Variants in TVP23C observed in about 807,000 individuals in gnomAD.
The protein encoded by TVP23C is Golgi apparatus membrane protein TVP23 homolog C.
A neutral mutation model predicts 28.7 loss-of-function variants in TVP23C; 19 were observed. The observed-to-expected ratio is 0.66, with a 90% CI of 0.46 to 0.97. The LOEUF is 0.97. TVP23C is among the 50% of genes least tolerant of loss of function. TVP23C has a pLI of 0.00. For synonymous variants in TVP23C, 68 were observed against 81.7 expected, an observed-to-expected ratio of 0.83 and a Z score of 0.90; for missense variants, 186 against 241.3, an observed-to-expected ratio of 0.77 and a Z score of 1.52.
intron 5 of TVP23C, among the ~76,000 whole-genome samples, chr17:15,529,177 C>A (rs953855856): frequency 4.6e-5 from 7 of 152,084 alleles, no homozygotes; most frequent in Non-Finnish European, 1.0e-4. Flanking sequence ...TTATGCCAGG[C>A]TCAGAGGCTC....
intron 5 of TVP23C, among the ~76,000 whole-genome samples, chr17:15,509,133 G>A (rs1294528197): frequency 6.6e-6 from 1 of 152,204 alleles, no homozygotes; most frequent in African/African-American, 2.4e-5. Flanking sequence ...GGCCCACAGC[G>A]CCTGTCTGTC....
chr17:15,557,227 A>G, intron 1 of TVP23C, among the ~76,000 whole-genome samples: 1 of 147,818 alleles, frequency 6.8e-6, no homozygotes, highest in East Asian at 2.0e-4. Flanking sequence ...GAGTATTCTT[A>G]TTGCACATCT....
downstream of TVP23C, among the ~76,000 whole-genome samples, chr17:15,536,386 A>C (rs1390212287): frequency 6.6e-6 from 1 of 152,288 alleles, no homozygotes; most frequent in African/African-American, 2.4e-5. Context: ...TCCTCCTTTT[A>C]AGGATACTTC....
exon 6 of TVP23C, chr17:15,503,078 G>A (rs765801300): frequency 1.9e-6 from 3 of 1,614,130 alleles, no homozygotes; most frequent in Non-Finnish European, 2.5e-6. Context: ...CGTGATCCTC[G>A]TGAAAGAATT....
Position 15,505,830 on chromosome 17 carries a change from G to A in TVP23C, c.463-2598C>T, listed in dbSNP as rs569900911. Among the ~76,000 whole-genome samples the A allele has an allele frequency of 1.9e-3, 292 of 152,284 alleles. 2 individuals are homozygous for A. The highest frequency in any genetic ancestry group is 6.4e-3 in the African/African-American group (268 of 41,574). Reference sequence around the variant, plus strand: ...CTGCTGCCCCGGGCAATGAGCACCCGGGCCAGCGGCTGCGTACGGTGTACT... The same window carrying A: ...CTGCTGCCCCGGGCAATGAGCACCCAGGCCAGCGGCTGCGTACGGTGTACT... On this transcript the variant is annotated intron_variant, in intron 5 of 5. Transcript: ENST00000225576.
chr17:15,518,059 T>C (rs1230275279), intron 5 of TVP23C, among the ~76,000 whole-genome samples: 2 of 151,264 alleles, frequency 1.3e-5, no homozygotes, highest in African/African-American at 4.9e-5. Flanking sequence ...TCCCAGCTAC[T>C]TGGGAGGCTG....
downstream of TVP23C, among the ~76,000 whole-genome samples, chr17:15,532,360 G>A (rs981663682): frequency 6.6e-6 from 1 of 152,178 alleles, no homozygotes; most frequent in Non-Finnish European, 1.5e-5. Context: ...TGCCAGACAG[G>A]TCAAGGAGTG....
intron 5 of TVP23C, chr17:15,503,237 A>G (rs1668930519): frequency 6.7e-7 from 1 of 1,483,650 alleles, no homozygotes; most frequent in Non-Finnish European, 8.9e-7. Context: ...CCGTCTCTAC[A>G]AAAAATAAAA....
chr17:15,555,353 A>C lies in TVP23C; in HGVS notation c.24T>G (p.Asp8Glu). 6.2e-7 allele frequency: 1 copy of C among 1,614,012 alleles called. No homozygotes were observed. The highest frequency in any genetic ancestry group is 8.5e-7 in the Non-Finnish European group (1 of 1,179,874). The change falls in exon 2 of 6, where the codon GAT (aspartate) becomes GAG (glutamate). Residue 8 changes from aspartate to glutamate, a missense_variant. Physicochemically the swap from Asp to Glu is conservative, Grantham distance 45. Coordinates refer to ENST00000518321, the MANE Select transcript of TVP23C (RefSeq NM_001135036.2). MLQQDSN[D>E]DTEDVSLFDA... ...CAAACAGTGAAACATCTTCAGTGTC[A>C]TCATTACTATCCTGGTTGGAAAAAT...
At chr17:15,513,661 C>T (rs1454389585) in intron 5 of TVP23C, among the ~76,000 whole-genome samples, 1 of 152,204 alleles carries the variant, frequency 6.6e-6, no homozygotes, top group Non-Finnish European at 1.5e-5. Flanking sequence ...GGGTTCTTTT[C>T]AACCAGGAGG....
At chr17:15,531,605 T>C (rs1435065150) in intron 5 of TVP23C, among the ~76,000 whole-genome samples, 1 of 152,230 alleles carries the variant, frequency 6.6e-6, no homozygotes, top group African/African-American at 2.4e-5. Flanking sequence ...CTCCAGAATT[T>C]TTCATGTTTT....
Position 15,538,826 on chromosome 17 carries a change from A to G in TVP23C, c.*1586T>C, listed in dbSNP as rs1983275853. On this transcript the variant is annotated 3_prime_UTR_variant, in exon 6 of 6. Coordinates refer to ENST00000518321, the MANE Select transcript of TVP23C (RefSeq NM_001135036.2). ...CGAAAAAAACCTAATAAGCACATAC[A>G]TGAAAGTTACCCTAAGGTGGACCAC... 1.0e-6 allele frequency: 1 copy of G among 985,328 alleles called. No individual in the cohort carries two copies. Among genetic ancestry groups the G allele is most frequent in the African/African-American group, 1.7e-5 (1 of 57,248 alleles). 61.0% of individuals were successfully genotyped at this position (985,328 alleles called of 1,614,324 possible).
intron 4 of TVP23C, among the ~76,000 whole-genome samples, chr17:15,546,359 T>C (rs1015778467): frequency 1.3e-5 from 2 of 152,066 alleles, no homozygotes; most frequent in African/African-American, 2.4e-5. Flanking sequence ...TCAAAATGTC[T>C]TAGCAATACC....
rs199693472 is a variant in TVP23C at position 15,519,762 on chromosome 17, C to T, written c.463-16530G>A. 2.6e-4 allele frequency among the ~76,000 whole-genome samples: 40 copies of T among 152,132 alleles called. 1 individual carries two copies. In the East Asian group the frequency reaches 7.5e-3, roughly 29 times the overall value. On this transcript the variant is annotated intron_variant, in intron 5 of 5. Coordinates refer to the TVP23C transcript ENST00000225576. ...TGTATCTACTAAAAAATTAGCTGGGCGTGGTGGCAGGCACCTGTAGTCCCA... is the reference window on the plus strand; with the variant it reads ...TGTATCTACTAAAAAATTAGCTGGGTGTGGTGGCAGGCACCTGTAGTCCCA...
chr17:15,506,241 T>G lies in TVP23C; in HGVS notation c.463-3009A>C, dbSNP rs557560120. On this transcript the variant is annotated intron_variant, in intron 5 of 5. Coordinates refer to the TVP23C transcript ENST00000225576. ...CACCCTGTGTTTAGCTCAAGGTTTGTGAGTGCACCAATCGACACTCTGTAT... is the reference window on the plus strand; with the variant it reads ...CACCCTGTGTTTAGCTCAAGGTTTGGGAGTGCACCAATCGACACTCTGTAT... 2.0e-5 allele frequency among the ~76,000 whole-genome samples: 3 copies of G among 152,106 alleles called. No individual in the cohort carries two copies. The East Asian group carries it at 5.8e-4, about 29-fold the overall frequency.
intron 5 of TVP23C, among the ~76,000 whole-genome samples, chr17:15,542,108 T>C (rs1311963208): frequency 6.6e-6 from 1 of 151,852 alleles, no homozygotes; most frequent in Non-Finnish European, 1.5e-5. Context: ...AAGAGCCAGG[T>C]TGGAGCAGCT....
intron 1 of TVP23C, among the ~76,000 whole-genome samples, chr17:15,556,363 CT>C (rs58106297): frequency 0.71 from 86,682 of 121,756 alleles, 30,084 homozygotes; most frequent in Middle Eastern, 0.79. Flanking sequence ...TTACCTTAGG[CT>C]TTTTTTTTTT....
Position 15,558,485 on chromosome 17 carries a change from T to C in TVP23C, c.13-3121A>G, listed in dbSNP as rs1174095930. ...GGCAAAAAGAATTTCACAGATGAGA[T>C]TAAGTTAAGGATCTTGAGGTCAAGA... On this transcript the variant is annotated intron_variant, in intron 1 of 5. Coordinates refer to ENST00000518321, the MANE Select transcript of TVP23C (RefSeq NM_001135036.2). 2.7e-5 allele frequency among the ~76,000 whole-genome samples: 4 copies of C among 147,390 alleles called. 1 individual carries two copies. Among genetic ancestry groups the C allele is most frequent in the Non-Finnish European group, 6.0e-5 (4 of 66,366 alleles).
rs1555543016 is a variant in TVP23C at position 15,502,815 on chromosome 17, T to TCTC, written c.*46_*48dup. ...TCTCCTCTCTCCTCTCTCTCCTCTC[T>TCTC]CTCTCTCTCTCTCTCTCCTGCGAGG... is the stretch of plus-strand genomic sequence containing the variant. On this transcript the variant is annotated 3_prime_UTR_variant, in exon 6 of 6. Coordinates refer to the TVP23C transcript ENST00000225576. 4 of 933,374 alleles carry TCTC rather than the reference T, an allele frequency of 4.3e-6. No individual in the cohort carries two copies. The African/African-American group carries it at 5.2e-5, about 12-fold the overall frequency. 57.8% of individuals were successfully genotyped at this position (933,374 alleles called of 1,614,324 possible). A position where few individuals can be genotyped will look rare whatever the true frequency, so the allele number is the denominator to read the frequency against.
Sources: allele counts gnomAD v4.1 joint callset (sites outside exome capture counted in the v4.1 genomes callset), GRCh38; gene constraint gnomAD v4.1.1; transcripts MANE v1.5; gene names NCBI Gene and HGNC (gene_info 2026-07-23, HGNC 2026-07-21).